Variants in PRUNE2 observed in about 807,000 individuals in gnomAD.
PRUNE2 encodes protein prune homolog 2.
Under a neutral mutation model 252.0 loss-of-function variants are expected in PRUNE2, and 164 were observed. That is an observed-to-expected ratio of 0.65 (90% CI 0.57 to 0.74). The LOEUF is 0.74. Ranked by LOEUF, PRUNE2 falls within the 30% of genes least tolerant of loss-of-function variation. The pLI is 0.00. For missense variants in PRUNE2, 3,495 were observed against 3,711.0 expected, an observed-to-expected ratio of 0.94 and a Z score of 1.51; for synonymous variants, 1,292 against 1,350.2, an observed-to-expected ratio of 0.96 and a Z score of 0.94.
intron 4 of PRUNE2, among the ~76,000 whole-genome samples, chr9:76,832,789 C>A (rs1440954989): frequency 6.6e-6 from 1 of 151,454 alleles, no homozygotes; most frequent in African/African-American, 2.4e-5. Context: ...GTTTTGAAAA[C>A]AATTCAAGAA....
chr9:76,703,126 T>C (rs180935450), intron 9 of PRUNE2, among the ~76,000 whole-genome samples: 112 of 151,540 alleles, frequency 7.4e-4, no homozygotes, highest in Non-Finnish European at 1.3e-3. Context: ...GAATGAAAAT[T>C]GAAGGGGCTT....
intron 9 of PRUNE2, among the ~76,000 whole-genome samples, chr9:76,671,393 T>C (rs1164866056): frequency 2.0e-5 from 3 of 149,852 alleles, no homozygotes; most frequent in Non-Finnish European, 4.4e-5. Context: ...CCAAGAAATA[T>C]GGGACTATGT....
intron 9 of PRUNE2, among the ~76,000 whole-genome samples, chr9:76,681,495 T>C (rs187711677): frequency 1.1e-4 from 16 of 145,794 alleles, no homozygotes; most frequent in Admixed American, 6.9e-4. Flanking sequence ...GGGTACAAGA[T>C]AGGTTTTTCT....
chr9:76,777,634 TGA>T (rs1407345441), intron 6 of PRUNE2, among the ~76,000 whole-genome samples: 1 of 152,184 alleles, frequency 6.6e-6, no homozygotes, highest in Non-Finnish European at 1.5e-5. Context: ...CCTACCCTCG[TGA>T]AAGTCACATT....
At chr9:76,624,934 G>T in intron 16 of PRUNE2, 3 of 751,360 alleles carry the variant, frequency 4.0e-6, no homozygotes, top group Non-Finnish European at 6.2e-6. Flanking sequence ...GTGACCTCTT[G>T]CTCTGGTAGC....
intron 9 of PRUNE2, among the ~76,000 whole-genome samples, chr9:76,672,164 C>T (rs1184626859): frequency 4.7e-5 from 7 of 148,938 alleles, no homozygotes; most frequent in East Asian, 3.9e-4. Context: ...ACCCATCTCA[C>T]GTGCACAGAC....
chr9:76,678,702 G>A (rs927305621), intron 9 of PRUNE2, among the ~76,000 whole-genome samples: 14 of 152,210 alleles, frequency 9.2e-5, no homozygotes, highest in South Asian at 6.2e-4. Flanking sequence ...GGTGGCGGGC[G>A]CCTGTAGTCC....
Position 76,652,740 on chromosome 9 carries a change from C to A in PRUNE2, c.8357-57G>T, listed in dbSNP as rs539413428. On this transcript the variant is annotated intron_variant, in intron 10 of 18. Transcript: ENST00000376718. ...ATTAAACCAGAGGAGCAATCTAAAT[C>A]AAAAATTTCAAAATCCCAAATGCTC... is the stretch of plus-strand genomic sequence containing the variant. 13 of 1,254,512 alleles carry A rather than the reference C, an allele frequency of 1.0e-5. No homozygotes were observed. In the East Asian group the frequency reaches 1.4e-4, roughly 14 times the overall value. 77.7% of individuals were successfully genotyped at this position (1,254,512 alleles called of 1,614,324 possible).
intron 9 of PRUNE2, among the ~76,000 whole-genome samples, chr9:76,682,111 G>T (rs546023780): frequency 1.3e-5 from 2 of 152,096 alleles, no homozygotes. Flanking sequence ...TGTTAGGAGA[G>T]AGAAGAGATT....
chr9:76,692,143 T>G (rs981338379), intron 9 of PRUNE2: 4 of 717,326 alleles, frequency 5.6e-6, no homozygotes, highest in Non-Finnish European at 1.0e-5. Flanking sequence ...CTTCAGCATC[T>G]CTCTTCTGAG....
chr9:76,776,100 A>G (rs1039037697), intron 6 of PRUNE2, among the ~76,000 whole-genome samples: 9 of 152,240 alleles, frequency 5.9e-5, no homozygotes, highest in African/African-American at 2.2e-4. Context: ...ATGAGTAAAT[A>G]TTTAACATTT....
chr9:76,643,173 C>A (rs1174021037), intron 12 of PRUNE2, among the ~76,000 whole-genome samples: 1 of 152,126 alleles, frequency 6.6e-6, no homozygotes, highest in Non-Finnish European at 1.5e-5. Context: ...ACCTAAAGAA[C>A]AAGCAGGCGA....
chr9:76,719,427 C>T (rs1055197910), intron 6 of PRUNE2, among the ~76,000 whole-genome samples: 1 of 151,994 alleles, frequency 6.6e-6, no homozygotes, highest in Admixed American at 6.5e-5. Flanking sequence ...CACAAATTTT[C>T]TTCTTTTCTT....
intron 15 of PRUNE2, among the ~76,000 whole-genome samples, chr9:76,633,658 A>G (rs1221791052): frequency 6.6e-6 from 1 of 152,156 alleles, no homozygotes; most frequent in African/African-American, 2.4e-5. Context: ...TTGCTCTATA[A>G]TGGCAGAATT....
At chr9:76,872,408 G>A (rs1419681348) in intron 1 of PRUNE2, among the ~76,000 whole-genome samples, 1 of 152,126 alleles carries the variant, frequency 6.6e-6, no homozygotes, top group Non-Finnish European at 1.5e-5. Context: ...GAAGAACAAT[G>A]TGGGGGCGCA....
Position 76,826,669 on chromosome 9 carries a change from A to G in PRUNE2, c.572T>C (p.Ile191Thr). 1 of 1,612,500 alleles carries G rather than the reference A, an allele frequency of 6.2e-7. No homozygotes were observed. The highest frequency in any genetic ancestry group is 8.5e-7 in the Non-Finnish European group (1 of 1,179,132). ...AAATTTTTCTTCCAGGATAGAAAGA[A>G]TTTCCTCCTGCTTCTCTGAGATCTT... ...SEKISEKQEE[I>T]LSILEEKFPN... Residue 191 changes from isoleucine (I) to threonine (T), a missense_variant, in exon 5 of 19, where the codon ATT becomes ACT. Ile to Thr is a moderately conservative substitution (Grantham distance 89). Transcript: ENST00000376718.
intron 6 of PRUNE2, chr9:76,733,736 CAATT>C (rs1316395863): frequency 6.6e-6 from 1 of 151,966 alleles, no homozygotes; most frequent in African/African-American, 2.4e-5. Flanking sequence ...AGAGGTAAGA[CAATT>C]AATTAATTTG....
intron 6 of PRUNE2, among the ~76,000 whole-genome samples, chr9:76,805,352 G>A (rs2056861564): frequency 6.6e-6 from 1 of 152,158 alleles, no homozygotes; most frequent in Non-Finnish European, 1.5e-5. Flanking sequence ...TGCGCACGGT[G>A]GCTCACACTC....
chr9:76,878,335 G>A (rs144670834), intron 1 of PRUNE2, among the ~76,000 whole-genome samples: 136 of 152,330 alleles, frequency 8.9e-4, no homozygotes, highest in African/African-American at 3.1e-3. Context: ...GGTGTCATGA[G>A]CAAGAAGGTG....
Sources: gnomAD v4.1 joint callset for allele counts (sites outside exome capture counted in the v4.1 genomes callset) on GRCh38, gnomAD v4.1.1 for gene constraint, MANE v1.5 for transcripts, NCBI Gene and HGNC (gene_info 2026-07-23, HGNC 2026-07-21) for gene names.